SLC35F3: variants seen among roughly 807,000 people sequenced by gnomAD.
The protein encoded by SLC35F3 is solute carrier family 35 member F3.
SLC35F3 carries 25 observed loss-of-function variants against 49.9 expected under a neutral mutation model. The ratio of observed to expected loss-of-function variants is 0.50; its 90% confidence interval spans 0.37 to 0.70. The LOEUF (loss-of-function observed/expected upper bound fraction) is 0.70. SLC35F3 is among the 30% of genes least tolerant of loss of function. The probability of loss-of-function intolerance (pLI) is 0.00; values close to 1 mark genes in which losing one functional copy is unlikely to be tolerated. For missense variants in SLC35F3, 525 were observed against 639.8 expected (o/e 0.82, Z 1.94); for synonymous variants, 275 against 265.4 (o/e 1.04, Z -0.35).
rs556151651 is a variant in SLC35F3 at position 233,918,191 on chromosome 1, T to C, written c.283+12433T>C. Among the ~76,000 whole-genome samples, 4 of 152,324 alleles carry C rather than the reference T, an allele frequency of 2.6e-5. No homozygotes were observed. In the East Asian group the frequency reaches 7.7e-4, roughly 29 times the overall value. ...ATGACTCCTAATGGTCAGCAGGTGG[T>C]CTGAGGTCACTTGAATACCCAGGGC... On this transcript the variant is annotated intron_variant, in intron 2 of 7. Transcript: ENST00000366618.
chr1:233,954,553 TG>T (rs1474244693), intron 2 of SLC35F3, among the ~76,000 whole-genome samples: 2 of 152,224 alleles, frequency 1.3e-5, no homozygotes, highest in African/African-American at 2.4e-5. Flanking sequence ...AAGCATCCTT[TG>T]TAGCTAAGGG....
At chr1:233,938,357 A>G (rs10910314) in intron 2 of SLC35F3, among the ~76,000 whole-genome samples, 49,857 of 151,964 alleles carry the variant, frequency 0.33, 8,576 homozygotes, top group East Asian at 0.48. Context: ...CCCGGGTTAT[A>G]TGGTCTTTCT....
intron 2 of SLC35F3, among the ~76,000 whole-genome samples, chr1:234,098,246 G>T (rs1665156351): frequency 1.3e-5 from 2 of 151,436 alleles, no homozygotes; most frequent in Admixed American, 1.3e-4. Context: ...TGATGATGGA[G>T]GTGGTGATTG....
At chr1:234,201,566 CCTG>C (rs1239432426) in intron 2 of SLC35F3, among the ~76,000 whole-genome samples, 2 of 152,172 alleles carry the variant, frequency 1.3e-5, no homozygotes, top group East Asian at 3.9e-4. Flanking sequence ...AAATTAGAAT[CCTG>C]CTATCAATAG....
chr1:234,001,642 C>T (rs1663555575), intron 2 of SLC35F3, among the ~76,000 whole-genome samples: 1 of 152,130 alleles, frequency 6.6e-6, no homozygotes, highest in Non-Finnish European at 1.5e-5. Context: ...ATTACTGATG[C>T]AGTAGAGACG....
At chr1:233,984,602 A>C (rs1420902800) in intron 2 of SLC35F3, among the ~76,000 whole-genome samples, 3 of 152,224 alleles carry the variant, frequency 2.0e-5, no homozygotes. Context: ...TCTGATTTGC[A>C]ATCACTTAAG....
intron 2 of SLC35F3, among the ~76,000 whole-genome samples, chr1:234,173,001 A>G (rs1166977580): frequency 1.3e-5 from 2 of 152,198 alleles, no homozygotes; most frequent in Non-Finnish European, 2.9e-5. Context: ...AATTGAACCC[A>G]GGAAATTCTC....
chr1:234,157,116 G>A (rs1175198078), intron 2 of SLC35F3, among the ~76,000 whole-genome samples: 1 of 152,142 alleles, frequency 6.6e-6, no homozygotes, highest in Admixed American at 6.5e-5. Flanking sequence ...TGTATAGTAT[G>A]TATCTTATAT....
chr1:234,146,657 G>A (rs777775736), intron 2 of SLC35F3, among the ~76,000 whole-genome samples: 21 of 151,054 alleles, frequency 1.4e-4, no homozygotes, highest in Non-Finnish European at 2.6e-4. Flanking sequence ...TGGGATTACA[G>A]GCATGTGCCA....
chr1:234,171,811 G>A (rs1290407307), intron 2 of SLC35F3, among the ~76,000 whole-genome samples: 1 of 152,164 alleles, frequency 6.6e-6, no homozygotes, highest in Non-Finnish European at 1.5e-5. Flanking sequence ...AGAGCTAGAA[G>A]GAACATGATA....
intron 2 of SLC35F3, among the ~76,000 whole-genome samples, chr1:234,054,140 A>C (rs2102859078): frequency 6.6e-6 from 1 of 152,102 alleles, no homozygotes; most frequent in Non-Finnish European, 1.5e-5. Context: ...CCTCTCGAGG[A>C]GTATCTTTGT....
At chr1:234,100,749 C>A (rs1318784329) in intron 2 of SLC35F3, among the ~76,000 whole-genome samples, 1 of 152,232 alleles carries the variant, frequency 6.6e-6, no homozygotes, top group Non-Finnish European at 1.5e-5. Flanking sequence ...CCAGTGAACT[C>A]AAACATGGCC....
intron 2 of SLC35F3, among the ~76,000 whole-genome samples, chr1:234,066,209 T>C (rs75643569): frequency 1.9e-3 from 290 of 152,300 alleles, no homozygotes; most frequent in Non-Finnish European, 3.2e-3. Flanking sequence ...GTGGTTTTTT[T>C]CTTTGGCTGC....
chr1:233,989,205 C>T (rs556032714), intron 2 of SLC35F3, among the ~76,000 whole-genome samples: 24 of 152,192 alleles, frequency 1.6e-4, no homozygotes, highest in Non-Finnish European at 2.8e-4. Flanking sequence ...TGTTTAAATA[C>T]ATCACCCTTT....
intron 2 of SLC35F3, among the ~76,000 whole-genome samples, chr1:233,928,861 C>G (rs1662199688): frequency 6.6e-6 from 1 of 152,074 alleles, no homozygotes; most frequent in Admixed American, 6.6e-5. Flanking sequence ...GCAACTTACC[C>G]TGATCTGATC....
chr1:233,979,440 AT>A (rs1174544273), intron 2 of SLC35F3, among the ~76,000 whole-genome samples: 2 of 152,214 alleles, frequency 1.3e-5, no homozygotes, highest in African/African-American at 4.8e-5. Flanking sequence ...GAGAAAGGAC[AT>A]TTTGTCCTTA....
Position 234,200,142 on chromosome 1 carries a change from C to T in SLC35F3, c.284-31275C>T, listed in dbSNP as rs1360616856. Reference sequence around the variant, plus strand: ...GTAACCCCACTTCTGGGTATAGAGCCAAAGGAATTAAAATCACTACGTCAA... The same window carrying T: ...GTAACCCCACTTCTGGGTATAGAGCTAAAGGAATTAAAATCACTACGTCAA... On this transcript the variant is annotated intron_variant, in intron 2 of 7. Coordinates refer to ENST00000366618, the MANE Select transcript of SLC35F3 (RefSeq NM_173508.4). Among the ~76,000 whole-genome samples, 4 of 151,996 alleles carry T rather than the reference C, an allele frequency of 2.6e-5. No individual in the cohort carries two copies. In the East Asian group the frequency reaches 7.7e-4, roughly 29 times the overall value.
At chr1:234,287,782 A>G (rs929587269) in intron 3 of SLC35F3, among the ~76,000 whole-genome samples, 2 of 152,252 alleles carry the variant, frequency 1.3e-5, no homozygotes, top group Non-Finnish European at 2.9e-5. Flanking sequence ...TAAGACTTAA[A>G]TATGTGGATA....
Position 234,323,133 on chromosome 1 carries a change from C to T in SLC35F3, c.1363C>T (p.Leu455Phe). Reference protein sequence around the residue: ...EEWDVWLIKLLTRLKVRKKEE... With the variant: ...EEWDVWLIKLFTRLKVRKKEE... ...GTGGGATGTCTGGTTGATCAAGCTG[C>T]TCACCCGACTCAAAGTGAGGAAGAA... Residue 455 changes from leucine (L) to phenylalanine (F), a missense_variant, in exon 8 of 8, where the codon CTC (leucine) becomes TTC (phenylalanine). Transcript: ENST00000366618. This position sits in a 1 kb window ranked among gnomAD's most constrained non-coding sequence, Gnocchi z 4.5. The T allele has an allele frequency of 6.2e-7, 1 of 1,614,146 alleles. No homozygotes were observed.
Sources: allele counts gnomAD v4.1 joint callset (sites outside exome capture counted in the v4.1 genomes callset), GRCh38; gene constraint gnomAD v4.1.1; non-coding constraint Gnocchi (gnomAD v3.1); transcripts MANE v1.5; gene names NCBI Gene and HGNC (gene_info 2026-07-23, HGNC 2026-07-21).